The following NTRK3 variants were observed in gnomAD, a reference collection of about 807,000 sequenced individuals.
NTRK3 encodes the protein neurotrophic receptor tyrosine kinase 3.
A neutral mutation model predicts 91.7 loss-of-function variants in NTRK3; 24 were observed. That is an observed-to-expected ratio of 0.26 (90% CI 0.19 to 0.37). NTRK3 has a LOEUF of 0.37. Among genes scored for constraint, NTRK3 ranks in the 10% least tolerant of loss-of-function variants. NTRK3 has a pLI of 1.00. For missense variants in NTRK3, 880 were observed against 1,068.9 expected, an observed-to-expected ratio of 0.82 and a Z score of 2.46; for synonymous variants, 483 against 404.0, an observed-to-expected ratio of 1.20 and a Z score of -2.34.
At chr15:88,251,580 C>T (rs960826361) in intron 3 of NTRK3, among the ~76,000 whole-genome samples, 1 of 152,258 alleles carries the variant, frequency 6.6e-6, no homozygotes, top group East Asian at 1.9e-4. Context: ...GATGGGGACC[C>T]AGGCCACAGT....
rs530524907 is a variant in NTRK3, at chr15:88,118,981, C to T, written c.1396+7290G>A. On this transcript the variant is annotated intron_variant, in intron 13 of 18. Transcript: ENST00000394480. The stretch of plus-strand genomic sequence containing the variant: ...TGCTGAACAGGATAGAGAGGCCTGC[C>T]AAGAAGAGCCAGCTAGCAGGTAGCC... Among the ~76,000 whole-genome samples the T allele has an allele frequency of 3.3e-5, 5 of 152,276 alleles. No individual in the cohort carries two copies. The South Asian group carries it at 1.0e-3, about 32-fold the overall frequency.
intron 14 of NTRK3, among the ~76,000 whole-genome samples, chr15:87,949,255 G>A (rs773557399): frequency 2.6e-5 from 4 of 152,092 alleles, no homozygotes; most frequent in East Asian, 1.9e-4. Flanking sequence ...TCCTGGCTCC[G>A]AGAATGGCCC....
intron 14 of NTRK3, among the ~76,000 whole-genome samples, chr15:87,957,246 G>GAA (rs11401333): frequency 6.6e-6 from 1 of 151,994 alleles, no homozygotes; most frequent in African/African-American, 2.4e-5. Context: ...AAAACACTTA[G>GAA]AAAAAATACC....
intron 13 of NTRK3, among the ~76,000 whole-genome samples, chr15:88,082,146 C>T (rs534961546): frequency 4.6e-5 from 7 of 152,110 alleles, no homozygotes; most frequent in South Asian, 2.1e-4. Context: ...GGCGTGGTGG[C>T]GCACACCTGT....
intron 3 of NTRK3, among the ~76,000 whole-genome samples, chr15:88,231,607 T>C (rs1285060207): frequency 2.0e-5 from 3 of 152,188 alleles, no homozygotes; most frequent in Non-Finnish European, 4.4e-5. Flanking sequence ...TCTGCCTCGA[T>C]TTCACTCAAT....
chr15:88,209,189 G>A (rs1235668264), intron 3 of NTRK3, among the ~76,000 whole-genome samples: 2 of 152,222 alleles, frequency 1.3e-5, no homozygotes, highest in Non-Finnish European at 2.9e-5. Context: ...GCACCTTAAT[G>A]GATGCATAGG....
At chr15:87,986,279 C>A (rs1050157537) in intron 14 of NTRK3, among the ~76,000 whole-genome samples, 2 of 152,166 alleles carry the variant, frequency 1.3e-5, no homozygotes, top group African/African-American at 2.4e-5. Flanking sequence ...TTTGAAATAT[C>A]TAAAATATCA....
chr15:87,943,090 T>C (rs554279487), intron 14 of NTRK3, among the ~76,000 whole-genome samples: 96 of 151,950 alleles, frequency 6.3e-4, no homozygotes, highest in African/African-American at 2.0e-3. Flanking sequence ...TACAACAGAT[T>C]GCTGGGCTCC....
At chr15:88,130,589 G>A (rs1010400048) in intron 10 of NTRK3, among the ~76,000 whole-genome samples, 1 of 152,100 alleles carries the variant, frequency 6.6e-6, no homozygotes, top group Non-Finnish European at 1.5e-5. Context: ...ACGATGCACT[G>A]AGAGGGCAGA....
At chr15:88,130,793 G>C (rs975311935) in intron 10 of NTRK3, among the ~76,000 whole-genome samples, 1 of 152,188 alleles carries the variant, frequency 6.6e-6, no homozygotes, top group Non-Finnish European at 1.5e-5. Context: ...GGAACTCAAC[G>C]CAGTGTGTAA....
At chr15:88,003,561 G>A (rs920285526) in intron 14 of NTRK3, among the ~76,000 whole-genome samples, 3 of 152,138 alleles carry the variant, frequency 2.0e-5, no homozygotes, top group Non-Finnish European at 4.4e-5. Context: ...AATGTTACAT[G>A]GTTACCAGGA....
intron 17 of NTRK3, chr15:87,927,119 C>T (rs2068380337): frequency 6.6e-6 from 1 of 152,216 alleles, no homozygotes; most frequent in Non-Finnish European, 1.5e-5. Context: ...ATGACTACTG[C>T]CACATCATGT....
At chr15:88,086,876 A>T (rs2150714046) in intron 13 of NTRK3, among the ~76,000 whole-genome samples, 1 of 152,306 alleles carries the variant, frequency 6.6e-6, no homozygotes, top group East Asian at 1.9e-4. Flanking sequence ...CCATGCCTGA[A>T]GGAGGGAGCT....
intron 13 of NTRK3, among the ~76,000 whole-genome samples, chr15:88,064,097 G>A (rs1411367303): frequency 6.6e-6 from 1 of 152,190 alleles, no homozygotes; most frequent in Non-Finnish European, 1.5e-5. Context: ...ACACAGAGAA[G>A]AAGGTCAGGT....
At chr15:88,214,922 T>C (rs1003628332) in intron 3 of NTRK3, among the ~76,000 whole-genome samples, 29 of 152,106 alleles carry the variant, frequency 1.9e-4, no homozygotes, top group African/African-American at 6.3e-4. Flanking sequence ...AGGTGACAGG[T>C]GTTCAGCAAA....
intron 3 of NTRK3, among the ~76,000 whole-genome samples, chr15:88,195,759 C>T (rs1409969123): frequency 6.6e-6 from 1 of 152,186 alleles, no homozygotes; most frequent in East Asian, 1.9e-4. Flanking sequence ...GATTTTGACC[C>T]TTACTCCCCA....
chr15:87,918,293 C>G (rs1413584730), intron 17 of NTRK3, among the ~76,000 whole-genome samples: 9 of 152,212 alleles, frequency 5.9e-5, no homozygotes, highest in Middle Eastern at 6.3e-3. Flanking sequence ...CAACAGATGA[C>G]AAATCCTCTG....
intron 3 of NTRK3, among the ~76,000 whole-genome samples, chr15:88,188,531 T>C (rs917532923): frequency 1.3e-5 from 2 of 152,208 alleles, no homozygotes; most frequent in Admixed American, 1.3e-4. Flanking sequence ...TGCTTTATTA[T>C]ATAAAGCTTC....
chr15:88,125,215 G>A (rs540236280), intron 13 of NTRK3, among the ~76,000 whole-genome samples: 128 of 152,280 alleles, frequency 8.4e-4, no homozygotes, highest in African/African-American at 2.9e-3. Flanking sequence ...AGAATATAGC[G>A]AAAGCTATGG....
Sources: allele counts gnomAD v4.1 joint callset (sites outside exome capture counted in the v4.1 genomes callset), GRCh38; gene constraint gnomAD v4.1.1; transcripts MANE v1.5; gene names NCBI Gene and HGNC (gene_info 2026-07-23, HGNC 2026-07-21).